OSBPL10: variants seen among roughly 807,000 people sequenced by gnomAD.
The protein encoded by OSBPL10 is oxysterol-binding protein-related protein 10.
In OSBPL10, 49 loss-of-function variants were observed where a neutral mutation model predicts 81.7. That is an observed-to-expected ratio of 0.60 (90% CI 0.48 to 0.76). The LOEUF is 0.76. Among genes scored for constraint, OSBPL10 ranks in the 30% least tolerant of loss-of-function variants. The pLI is 0.00. For missense variants in OSBPL10, 923 were observed against 987.8 expected (o/e 0.93, Z 0.88); for synonymous variants, 419 against 383.6 (o/e 1.09, Z -1.08).
At position 31,742,605 on chromosome 3, in the gene OSBPL10, C is replaced by A. The variant is rs142502704; in HGVS notation, c.940+5305G>T. Among the ~76,000 whole-genome samples, 445 of 152,330 alleles carry A rather than the reference C, an allele frequency of 2.9e-3. 4 individuals carry two copies. Among genetic ancestry groups the A allele is most frequent in the African/African-American group, 0.01 (431 of 41,568 alleles). On this transcript the variant is annotated intron_variant, in intron 5 of 11. Coordinates refer to ENST00000396556, the MANE Select transcript of OSBPL10 (RefSeq NM_017784.5). ...CTTCCCCAAGCCTGTTTTACAGCAT[C>A]TTGCTGTTAATGTGCAGCTCTTACC...
intron 7 of OSBPL10, among the ~76,000 whole-genome samples, chr3:31,692,056 T>C (rs1443407512): frequency 6.6e-6 from 1 of 152,162 alleles, no homozygotes; most frequent in Non-Finnish European, 1.5e-5. Flanking sequence ...TTTTGTCAGA[T>C]GGGAAGAGTT....
At chr3:32,073,374 T>G (rs1285147266) in intron 1 of OSBPL10, among the ~76,000 whole-genome samples, 1 of 152,124 alleles carries the variant, frequency 6.6e-6, no homozygotes, top group Non-Finnish European at 1.5e-5. Context: ...ACAACCTCGA[T>G]GGACAGGACC....
intron 1 of OSBPL10, among the ~76,000 whole-genome samples, chr3:31,902,183 C>G (rs575405214): frequency 6.6e-6 from 1 of 151,678 alleles, no homozygotes; most frequent in South Asian, 2.1e-4. Flanking sequence ...AAGGTTTAAA[C>G]AAGCTAATGC....
intron 4 of OSBPL10, among the ~76,000 whole-genome samples, chr3:31,816,040 GA>G (rs1465273905): frequency 6.6e-6 from 1 of 152,190 alleles, no homozygotes; most frequent in Non-Finnish European, 1.5e-5. Flanking sequence ...GTGAGCCAGA[GA>G]GGGGCAAGAT....
chr3:31,715,148 A>T (rs1339985537), intron 6 of OSBPL10, among the ~76,000 whole-genome samples: 1 of 152,064 alleles, frequency 6.6e-6, no homozygotes, highest in Non-Finnish European at 1.5e-5. Context: ...TACTCTCTAG[A>T]CTTGTGCTAT....
At chr3:31,945,104 T>C (rs1429452454) in intron 1 of OSBPL10, among the ~76,000 whole-genome samples, 2 of 140,272 alleles carry the variant, frequency 1.4e-5, no homozygotes, top group Admixed American at 1.5e-4. Flanking sequence ...TGAACCAAGA[T>C]TGCACCACTA....
chr3:31,700,863 A>C (rs535383674), intron 7 of OSBPL10, among the ~76,000 whole-genome samples: 1 of 152,346 alleles, frequency 6.6e-6, no homozygotes, highest in East Asian at 1.9e-4. Context: ...ACTGAGATGA[A>C]GGGAAGGCAG....
chr3:32,008,054 C>T (rs1699220456), intron 2 of OSBPL10, among the ~76,000 whole-genome samples: 2 of 152,010 alleles, frequency 1.3e-5, no homozygotes, highest in African/African-American at 2.4e-5. Context: ...AATAGGGTAA[C>T]ATGTACAGGT....
intron 1 of OSBPL10, among the ~76,000 whole-genome samples, chr3:31,915,290 C>G (rs1348531515): frequency 6.6e-6 from 1 of 152,022 alleles, no homozygotes; most frequent in East Asian, 1.9e-4. Context: ...AACTCCTGTC[C>G]TCAAATTCTC....
At chr3:31,675,775 T>A (rs903329095) in intron 8 of OSBPL10, among the ~76,000 whole-genome samples, 1 of 150,128 alleles carries the variant, frequency 6.7e-6, no homozygotes, top group African/African-American at 2.5e-5. Context: ...AAAACCCCCA[T>A]CTCTACTAAA....
chr3:31,924,223 A>AG (rs1449780868), intron 1 of OSBPL10, among the ~76,000 whole-genome samples: 1 of 150,884 alleles, frequency 6.6e-6, no homozygotes, highest in African/African-American at 2.4e-5. Flanking sequence ...CATCTAAAAA[A>AG]AAAAAAGAAA....
intron 4 of OSBPL10, among the ~76,000 whole-genome samples, chr3:31,772,951 C>A (rs1002687320): frequency 5.9e-5 from 9 of 151,634 alleles, no homozygotes; most frequent in African/African-American, 2.2e-4. Flanking sequence ...CAAGCCAGCA[C>A]TAGCCAAGAA....
intron 7 of OSBPL10, among the ~76,000 whole-genome samples, chr3:31,699,360 G>A (rs1028824273): frequency 2.6e-5 from 4 of 152,088 alleles, no homozygotes; most frequent in African/African-American, 7.2e-5. Context: ...TGCACAACAC[G>A]CCAGACCTTC....
intron 4 of OSBPL10, among the ~76,000 whole-genome samples, chr3:31,819,864 T>C (rs541846702): frequency 9.9e-5 from 15 of 152,220 alleles, no homozygotes; most frequent in African/African-American, 2.7e-4. Flanking sequence ...CTGGATGGGA[T>C]AGATTCAACA....
chr3:31,750,230 C>T (rs890227332), intron 4 of OSBPL10, among the ~76,000 whole-genome samples: 6 of 152,134 alleles, frequency 3.9e-5, no homozygotes, highest in Non-Finnish European at 7.4e-5. Flanking sequence ...CCCAGGCACA[C>T]CTATCTTCCT....
chr3:32,068,862 A>G (rs1260977585), intron 1 of OSBPL10, among the ~76,000 whole-genome samples: 2 of 151,874 alleles, frequency 1.3e-5, no homozygotes, highest in African/African-American at 2.4e-5. Flanking sequence ...TTACTAACCC[A>G]TCTGACCTCT....
chr3:31,753,347 G>A (rs758893365), intron 4 of OSBPL10, among the ~76,000 whole-genome samples: 5 of 151,996 alleles, frequency 3.3e-5, no homozygotes, highest in South Asian at 2.1e-4. Context: ...CACCACGCCC[G>A]GCTAATTTTG....
At chr3:31,797,250 C>T (rs1699251224) in intron 4 of OSBPL10, among the ~76,000 whole-genome samples, 1 of 152,250 alleles carries the variant, frequency 6.6e-6, no homozygotes. Context: ...TCTTCGGCCT[C>T]CCGAAGTGCT....
intron 6 of OSBPL10, among the ~76,000 whole-genome samples, chr3:31,720,587 C>T (rs1175398023): frequency 6.6e-6 from 1 of 152,086 alleles, no homozygotes; most frequent in East Asian, 1.9e-4. Context: ...AACTCCCCTG[C>T]TGCTGTAGGT....
Sources: allele counts gnomAD v4.1 joint callset (sites outside exome capture counted in the v4.1 genomes callset), GRCh38; gene constraint gnomAD v4.1.1; transcripts MANE v1.5; gene names NCBI Gene and HGNC (gene_info 2026-07-23, HGNC 2026-07-21).